The following VWA3B variants were observed in gnomAD, a reference collection of about 807,000 sequenced individuals.
VWA3B encodes von Willebrand factor A domain-containing protein 3B.
Under a neutral mutation model 158.3 loss-of-function variants are expected in VWA3B, and 138 were observed. The ratio of observed to expected loss-of-function variants is 0.87; its 90% CI spans 0.76 to 1.00. The LOEUF (loss-of-function observed/expected upper bound fraction) is 1.00, where lower values mean the gene tolerates loss of function less well. VWA3B is among the 50% of genes least tolerant of loss of function. The probability of loss-of-function intolerance (pLI) is 0.00; values close to 1 mark genes in which losing one functional copy is unlikely to be tolerated. For synonymous variants in VWA3B, 596 were observed against 587.3 expected, an observed-to-expected ratio of 1.01 and a Z score of -0.21; for missense variants, 1,555 against 1,565.1, an observed-to-expected ratio of 0.99 and a Z score of 0.11.
chr2:98,186,535 A>G (rs1359819527), intron 9 of VWA3B, among the ~76,000 whole-genome samples: 2 of 151,756 alleles, frequency 1.3e-5, no homozygotes, highest in Non-Finnish European at 2.9e-5. Context: ...CCTTCCTCCT[A>G]TCAATTGATT....
chr2:98,263,736 G>A (rs1045738319), intron 21 of VWA3B, among the ~76,000 whole-genome samples: 9 of 151,964 alleles, frequency 5.9e-5, no homozygotes, highest in Non-Finnish European at 1.0e-4. Flanking sequence ...TATGATATCA[G>A]CGTAATTTCT....
At chr2:98,176,656 A>G (rs1385178451) in intron 8 of VWA3B, among the ~76,000 whole-genome samples, 1 of 152,148 alleles carries the variant, frequency 6.6e-6, no homozygotes, top group African/African-American at 2.4e-5. Context: ...GGTCTCTCAA[A>G]TACAAGCCCT....
At chr2:98,161,268 A>G (rs907792168) in intron 7 of VWA3B, among the ~76,000 whole-genome samples, 3 of 152,180 alleles carry the variant, frequency 2.0e-5, no homozygotes, top group Non-Finnish European at 4.4e-5. Flanking sequence ...TGTAGCCCCA[A>G]TTTTACTTAG....
intron 2 of VWA3B, among the ~76,000 whole-genome samples, chr2:98,104,785 G>A (rs575670900): frequency 6.6e-6 from 1 of 152,048 alleles, no homozygotes; most frequent in African/African-American, 2.4e-5. Flanking sequence ...TGTTTCATTT[G>A]ATGAAATCTT....
At position 98,177,820 on chromosome 2, in the gene VWA3B, A is replaced by G. The variant is rs774001255; in HGVS notation, c.1115-3196A>G. Among the ~76,000 whole-genome samples the G allele has an allele frequency of 2.0e-5, 3 of 152,078 alleles. No homozygotes were observed. The East Asian group carries it at 5.8e-4, about 29-fold the overall frequency. The stretch of plus-strand genomic sequence containing the variant: ...GGATTGGTTCGAATGTGTTTTTAGG[A>G]AGTTCTGTGGTACACTTGAATTTAT... On this transcript the variant is annotated intron_variant, in intron 8 of 27. Transcript: ENST00000477737.
intron 7 of VWA3B, among the ~76,000 whole-genome samples, chr2:98,146,338 G>T (rs1331779239): frequency 6.6e-6 from 1 of 152,172 alleles, no homozygotes; most frequent in Non-Finnish European, 1.5e-5. Context: ...CAAGCTATCT[G>T]CAGGCATGTC....
chr2:98,105,803 T>G (rs1374185194), intron 2 of VWA3B, among the ~76,000 whole-genome samples: 2 of 152,144 alleles, frequency 1.3e-5, no homozygotes, highest in East Asian at 3.9e-4. Context: ...CTCCAGTGCA[T>G]TTTACTTAAG....
chr2:98,219,372 A>G (rs1451514198), intron 14 of VWA3B, among the ~76,000 whole-genome samples: 2 of 152,368 alleles, frequency 1.3e-5, no homozygotes, highest in East Asian at 3.8e-4. Flanking sequence ...AGTGAATTGG[A>G]AGGCAGCAAT....
At chr2:98,127,798 C>A (rs1675501805) in intron 5 of VWA3B, among the ~76,000 whole-genome samples, 1 of 152,154 alleles carries the variant, frequency 6.6e-6, no homozygotes, top group South Asian at 2.1e-4. Context: ...AGGATGTGCC[C>A]TCCTTTCCAC....
chr2:98,177,538 G>C (rs1680110167), intron 8 of VWA3B, among the ~76,000 whole-genome samples: 1 of 152,078 alleles, frequency 6.6e-6, no homozygotes, highest in Non-Finnish European at 1.5e-5. Context: ...GGTGTAATTA[G>C]CACTGGAAGT....
intron 2 of VWA3B, among the ~76,000 whole-genome samples, chr2:98,113,996 A>G (rs1261576480): frequency 5.3e-5 from 8 of 152,234 alleles, no homozygotes; most frequent in Non-Finnish European, 1.0e-4. Context: ...CCTGCTAAAT[A>G]CATACAAATA....
intron 14 of VWA3B, among the ~76,000 whole-genome samples, chr2:98,223,716 T>A (rs1466996541): frequency 6.6e-6 from 1 of 152,182 alleles, no homozygotes; most frequent in East Asian, 1.9e-4. Flanking sequence ...AATTTTATTA[T>A]TTTACTTTTA....
At chr2:98,228,460 AT>A in intron 15 of VWA3B, 128 bp downstream of exon 15, 2 of 1,171,644 alleles carry the variant, frequency 1.7e-6, no homozygotes, top group Non-Finnish European at 2.3e-6. Context: ...ACGTAGTGTG[AT>A]TAAGTTAGGA....
intron 21 of VWA3B, among the ~76,000 whole-genome samples, chr2:98,261,223 G>C (rs757687745): frequency 6.6e-6 from 1 of 151,646 alleles, no homozygotes; most frequent in African/African-American, 2.4e-5. Flanking sequence ...GGGAATTATA[G>C]TTAACCTCCT....
intron 21 of VWA3B, among the ~76,000 whole-genome samples, chr2:98,257,347 C>T (rs763278359): frequency 6.6e-6 from 1 of 151,938 alleles, no homozygotes; most frequent in Non-Finnish European, 1.5e-5. Flanking sequence ...TGTATATATA[C>T]CACATTTTCT....
rs759122039 is a variant in VWA3B at position 98,270,762 on chromosome 2, T to C, written c.2924T>C (p.Ile975Thr). The C allele has an allele frequency of 1.9e-6, 3 of 1,614,084 alleles. No individual in the cohort carries two copies. The highest frequency in any genetic ancestry group is 1.7e-5 in the Admixed American group (1 of 60,012). The change falls in exon 22 of 28, where the codon ATT becomes ACT. Residue 975 changes from isoleucine to threonine, a missense_variant. Coordinates refer to ENST00000477737, the MANE Select transcript of VWA3B (RefSeq NM_144992.5). ...NQALERLNWP[I>T]SLKELSMLES... Reference sequence around the variant, plus strand: ...GCTTTAGAACGGTTGAATTGGCCCATTTCACTGAAAGAGCTGTCGATGCTG... The same window carrying C: ...GCTTTAGAACGGTTGAATTGGCCCACTTCACTGAAAGAGCTGTCGATGCTG...
rs112520695 is a variant in VWA3B at position 98,118,745 on chromosome 2, C to CTAAAATAAAA, written c.292-746_292-737dup. Among the ~76,000 whole-genome samples, 1,102 of 151,626 alleles carry CTAAAATAAAA rather than the reference C, an allele frequency of 7.3e-3. 8 individuals are homozygous for CTAAAATAAAA. Among genetic ancestry groups the CTAAAATAAAA allele is most frequent in the East Asian group, 0.059 (298 of 5,064 alleles). The stretch of plus-strand genomic sequence containing the variant: ...TTCACTCTATTAAATCTTGCAACTG[C>CTAAAATAAAA]TAAAATAAAATAAAATAAAATAAAA... On this transcript the variant is annotated intron_variant, in intron 3 of 27. Transcript: ENST00000477737.
chr2:98,317,188 T>C (rs890294359), downstream of VWA3B, among the ~76,000 whole-genome samples: 64 of 152,206 alleles, frequency 4.2e-4, no homozygotes, highest in African/African-American at 1.5e-3. Flanking sequence ...TTGTTTTAGA[T>C]AGGATGACTG....
intron 7 of VWA3B, among the ~76,000 whole-genome samples, chr2:98,149,452 C>T (rs564004141): frequency 6.6e-6 from 1 of 152,316 alleles, no homozygotes; most frequent in East Asian, 1.9e-4. Context: ...AGAGGTTTCT[C>T]ATTGGCCGCT....
Sources: gnomAD v4.1 joint callset for allele counts (sites outside exome capture counted in the v4.1 genomes callset) on GRCh38, gnomAD v4.1.1 for gene constraint, MANE v1.5 for transcripts, NCBI Gene and HGNC (gene_info 2026-07-23, HGNC 2026-07-21) for gene names.